Variants in THSD4 observed in about 807,000 individuals in gnomAD.
THSD4 encodes thrombospondin type 1 domain containing 4.
THSD4 carries 69 observed loss-of-function variants against 119.0 expected under a neutral mutation model. The observed-to-expected ratio is 0.58, with a 90% CI of 0.48 to 0.71. The LOEUF (loss-of-function observed/expected upper bound fraction) is 0.71, where lower values mean the gene tolerates loss of function less well. THSD4 is among the 30% of genes least tolerant of loss of function. THSD4 has a pLI of 0.00. For missense variants in THSD4, 1,393 were observed against 1,391.1 expected, an observed-to-expected ratio of 1.00 and a Z score of -0.02; for synonymous variants, 524 against 540.4, an observed-to-expected ratio of 0.97 and a Z score of 0.42.
intron 6 of THSD4, among the ~76,000 whole-genome samples, chr15:71,288,069 C>T (rs1374114001): frequency 6.6e-6 from 1 of 152,140 alleles, no homozygotes; most frequent in African/African-American, 2.4e-5. Flanking sequence ...TGCAGATGTT[C>T]TAGTTTGCAC....
chr15:71,712,549 A>G (rs535825320), intron 8 of THSD4, among the ~76,000 whole-genome samples: 1 of 152,330 alleles, frequency 6.6e-6, no homozygotes, highest in Non-Finnish European at 1.5e-5. Context: ...AGGAAACAAT[A>G]AAAACAAGAG....
chr15:71,691,927 A>T (rs373872846), intron 8 of THSD4, among the ~76,000 whole-genome samples: 41 of 152,292 alleles, frequency 2.7e-4, no homozygotes, highest in African/African-American at 9.6e-4. Flanking sequence ...CCCGAAGATC[A>T]AGCCGTCCAG....
chr15:71,111,393 G>A (rs1279890371), upstream of THSD4: 2 of 1,612,064 alleles, frequency 1.2e-6, no homozygotes, highest in African/African-American at 1.3e-5. Context: ...CAAGGGCACA[G>A]GAACTCAGAC....
intron 6 of THSD4, among the ~76,000 whole-genome samples, chr15:71,276,725 A>G (rs1454941125): frequency 6.6e-6 from 1 of 152,272 alleles, no homozygotes; most frequent in Non-Finnish European, 1.5e-5. Context: ...TTTGACTACA[A>G]ATGCCTGTAT....
chr15:71,650,407 G>A (rs1400637247), intron 7 of THSD4, among the ~76,000 whole-genome samples: 1 of 152,162 alleles, frequency 6.6e-6, no homozygotes, highest in Non-Finnish European at 1.5e-5. Flanking sequence ...GGGAAGCGGT[G>A]CAAGACTTCT....
chr15:71,718,438 G>A (rs898038480), intron 8 of THSD4, among the ~76,000 whole-genome samples: 2 of 152,174 alleles, frequency 1.3e-5, no homozygotes, highest in Non-Finnish European at 1.5e-5. Flanking sequence ...CTGTCCATGG[G>A]CTGGGAGAGG....
intron 7 of THSD4, among the ~76,000 whole-genome samples, chr15:71,446,657 G>A (rs2047185567): frequency 1.3e-5 from 2 of 152,240 alleles, no homozygotes; most frequent in African/African-American, 4.8e-5. Context: ...ATGGGTGTCT[G>A]GTGGTTCTAG....
intron 3 of THSD4, among the ~76,000 whole-genome samples, chr15:71,156,207 T>C (rs1343149105): frequency 6.6e-6 from 1 of 152,142 alleles, no homozygotes; most frequent in African/African-American, 2.4e-5. Context: ...AGATCAGTTA[T>C]TTGTATCTAA....
At chr15:71,659,699 A>G (rs1235801606) in intron 7 of THSD4, among the ~76,000 whole-genome samples, 1 of 152,234 alleles carries the variant, frequency 6.6e-6, no homozygotes, top group Non-Finnish European at 1.5e-5. Flanking sequence ...GACATGAGCC[A>G]CCATGTCTGG....
chr15:71,755,428 C>G (rs1397176850), intron 14 of THSD4, among the ~76,000 whole-genome samples: 3 of 152,002 alleles, frequency 2.0e-5, no homozygotes, highest in East Asian at 1.9e-4. Flanking sequence ...TATTTAAATT[C>G]TATTGCTTTA....
intron 7 of THSD4, among the ~76,000 whole-genome samples, chr15:71,537,988 G>A (rs1440850874): frequency 6.6e-6 from 1 of 152,004 alleles, no homozygotes; most frequent in African/African-American, 2.4e-5. Flanking sequence ...TTGAACTCCT[G>A]ACCTCAACTG....
rs1285033089 is a variant in THSD4 at position 71,141,548 on chromosome 15, G to A, written c.21G>A (p.Gly7=). 2.5e-6 allele frequency: 4 copies of A among 1,610,140 alleles called. No homozygotes were observed. Among genetic ancestry groups the A allele is most frequent in the Admixed American group, 3.4e-5 (2 of 59,552 alleles). Residue 7 remains glycine, a synonymous_variant, in exon 2 of 18, where the codon GGG becomes GGA. Coordinates refer to ENST00000261862, the MANE Select transcript of THSD4 (RefSeq NM_024817.3). MVSHFM[G]SLSVLCFLLL... ...GCATCATGGTTTCCCATTTCATGGG[G>A]TCTCTCAGGTAAGTGAAGAAACTTT...
Position 71,488,307 on chromosome 15 carries a change from A to G in THSD4, c.1152+76484A>G, listed in dbSNP as rs118001178. Among the ~76,000 whole-genome samples the G allele has an allele frequency of 7.0e-3, 1,060 of 152,362 alleles. 7 individuals carry two copies. The highest frequency in any genetic ancestry group is 9.2e-3 in the Non-Finnish European group (626 of 68,034). Reference sequence around the variant, plus strand: ...TCTCTGGCATACATGCCACCTGATTAGGATGCATCGTTCTTCTAATGTCCT... The same window carrying G: ...TCTCTGGCATACATGCCACCTGATTGGGATGCATCGTTCTTCTAATGTCCT... On this transcript the variant is annotated intron_variant, in intron 7 of 17. Transcript: ENST00000261862.
At chr15:71,199,580 G>A in intron 3 of THSD4, among the ~76,000 whole-genome samples, 1 of 146,278 alleles carries the variant, frequency 6.8e-6, no homozygotes, top group African/African-American at 2.6e-5. Context: ...TGTAGTGTGT[G>A]TGTGTGGGTG....
chr15:71,140,769 T>G (rs1015639623), intron 1 of THSD4, among the ~76,000 whole-genome samples: 1 of 152,210 alleles, frequency 6.6e-6, no homozygotes, highest in African/African-American at 2.4e-5. Flanking sequence ...TTTTGGTATA[T>G]TCGCAGGGTT....
At chr15:71,315,738 T>A (rs1386939799) in intron 6 of THSD4, among the ~76,000 whole-genome samples, 1 of 152,224 alleles carries the variant, frequency 6.6e-6, no homozygotes, top group Admixed American at 6.5e-5. Flanking sequence ...TAGGAATGAC[T>A]CCCTTGTTCA....
intron 8 of THSD4, among the ~76,000 whole-genome samples, chr15:71,728,086 A>T (rs371330483): frequency 6.6e-6 from 1 of 152,112 alleles, no homozygotes; most frequent in Non-Finnish European, 1.5e-5. Context: ...AAATATTTCA[A>T]TTCTTAAATT....
At chr15:71,602,608 A>C (rs2050035540) in intron 7 of THSD4, among the ~76,000 whole-genome samples, 1 of 145,296 alleles carries the variant, frequency 6.9e-6, no homozygotes, top group South Asian at 2.2e-4. Context: ...CTCTATCCCC[A>C]CAGCAATCCT....
At chr15:71,171,718 G>A (rs907135419) in intron 3 of THSD4, among the ~76,000 whole-genome samples, 3 of 152,284 alleles carry the variant, frequency 2.0e-5, no homozygotes, top group East Asian at 1.9e-4. Flanking sequence ...AGTAAATTAT[G>A]TATGACAGTA....
Sources: allele counts gnomAD v4.1 joint callset (sites outside exome capture counted in the v4.1 genomes callset), GRCh38; gene constraint gnomAD v4.1.1; transcripts MANE v1.5; gene names NCBI Gene and HGNC (gene_info 2026-07-23, HGNC 2026-07-21).